The following TPPP2 variants were observed in gnomAD, a reference collection of about 807,000 sequenced individuals.
TPPP2 encodes the protein tubulin polymerization promoting protein family member 2.
In TPPP2, 8 loss-of-function variants were observed where a neutral mutation model predicts 13.0. The ratio of observed to expected loss-of-function variants is 0.62; its 90% CI spans 0.36 to 1.11. The LOEUF (loss-of-function observed/expected upper bound fraction) is 1.11. TPPP2 is among the 50% of genes most tolerant of loss of function. The pLI is 0.02. For synonymous variants in TPPP2, 81 were observed against 81.8 expected, an observed-to-expected ratio of 0.99 and a Z score of 0.05; for missense variants, 213 against 216.9, an observed-to-expected ratio of 0.98 and a Z score of 0.11.
upstream of TPPP2, chr14:21,025,293 C>A: frequency 6.3e-6 from 6 of 946,708 alleles, no homozygotes; most frequent in Non-Finnish European, 7.6e-6. This position sits in a 1 kb window ranked among gnomAD's most constrained non-coding sequence, Gnocchi z 5.1. Context: ...CCAAAACATT[C>A]CACCACCCCC....
rs182327983 is a variant in TPPP2, at chr14:21,032,565, C to A, written c.*488C>A. 1.2e-4 allele frequency: 41 copies of A among 345,696 alleles called. No individual in the cohort carries two copies. Among genetic ancestry groups the A allele is most frequent in the African/African-American group, 8.4e-4 (39 of 46,256 alleles). The allele number at this position is 345,696 out of a possible 1,614,324, so 21.4% of individuals were successfully genotyped here. ...GTTTTTTGGGTGGAGGAGTAGAAGC[C>A]AGCTAAGGTTGCCTGACTTCTATTA... is the stretch of plus-strand genomic sequence containing the variant. On this transcript the variant is annotated 3_prime_UTR_variant, in exon 4 of 4. Coordinates refer to ENST00000321760, the MANE Select transcript of TPPP2 (RefSeq NM_173846.5).
chr14:21,033,747 T>A, downstream of TPPP2: 1 of 1,062,196 alleles, frequency 9.4e-7, no homozygotes, highest in Non-Finnish European at 1.5e-6. Flanking sequence ...GAAGTCTTGT[T>A]ACAGGGATCA....
At chr14:21,033,889 G>A (rs201533703), downstream of TPPP2, 170 of 1,614,040 alleles carry the variant, frequency 1.1e-4, 1 homozygote, top group East Asian at 2.2e-5. Context: ...AGTAGGTAGA[G>A]CTTCTGGTTG....
At chr14:21,034,491 C>A (rs1884484166), downstream of TPPP2, among the ~76,000 whole-genome samples, 1 of 152,194 alleles carries the variant, frequency 6.6e-6, no homozygotes, top group African/African-American at 2.4e-5. Flanking sequence ...CAGCCCTGCT[C>A]CCCTGGTCCA....
At chr14:21,034,573 T>TGAGAGACTCTTCCCAAGAGTCCTTGGGC (rs1884491446), downstream of TPPP2, 2 of 375,592 alleles carry the variant, frequency 5.3e-6, no homozygotes, top group African/African-American at 4.1e-5. Flanking sequence ...GGTCCTTGGG[T>TGAGAGACTCTTCCCAAGAGTCCTTGGGC]GAGAGACTCT....
Position 21,030,588 on chromosome 14 carries a change from T to A in TPPP2, c.7T>A (p.Ser3Thr). The A allele has an allele frequency of 1.9e-6, 3 of 1,613,544 alleles. No homozygotes were observed. The highest frequency in any genetic ancestry group is 2.5e-6 in the Non-Finnish European group (3 of 1,179,842). The change falls in exon 2 of 4, where the codon TCA becomes ACA. Residue 3 changes from serine (S) to threonine (T), a missense_variant. Transcript: ENST00000321760. ...CCCCGACCTCTAGCTGACCATGGCA[T>A]CAGAGGCAGAAAAAACATTCCATCG... MA[S>T]EAEKTFHRFA...
chr14:21,033,168 G>A (rs45511794), downstream of TPPP2: 6,132 of 370,450 alleles, frequency 0.017, 79 homozygotes, highest in Non-Finnish European at 0.021. Flanking sequence ...GGGTGACTAC[G>A]GTTGTTGGGA....
In TPPP2 at chr14:21,032,164, C is replaced by A; in HGVS notation, c.*87C>A. 1 of 1,379,206 alleles carries A rather than the reference C, an allele frequency of 7.3e-7. No homozygotes were observed. The highest frequency in any genetic ancestry group is 1.0e-6 in the Non-Finnish European group (1 of 976,248). The allele number at this position is 1,379,206 out of a possible 1,614,324, so 85.4% of individuals were successfully genotyped here. A position where few individuals can be genotyped will look rare whatever the true frequency, so the allele number is the denominator to read the frequency against. On this transcript the variant is annotated 3_prime_UTR_variant, in exon 4 of 4. Coordinates refer to ENST00000321760, the MANE Select transcript of TPPP2 (RefSeq NM_173846.5). The stretch of plus-strand genomic sequence containing the variant: ...GGAAAACAATAAACATCTGTGTGTG[C>A]AGCAGCCAAAATCTCTGTCTGTGAG...
At chr14:21,030,457 A>C in intron 1 of TPPP2, 56 bp from the exon 2 acceptor site, 1 of 947,296 alleles carries the variant, frequency 1.1e-6, no homozygotes, top group Non-Finnish European at 1.6e-6. Flanking sequence ...GGAAGAGGGG[A>C]GCTGTTCCTG....
rs891061815 is a variant in TPPP2 at position 21,025,060 on chromosome 14, T to A, written n.236+716T>A. On this transcript the variant is annotated intron_variant and non_coding_transcript_variant, in intron 1 of 1. Transcript: ENST00000533755. The surrounding 1 kb of genome is among the most constrained non-coding windows in gnomAD (Gnocchi z 5.1). ...CCGCCGCGGCCGCTTCCACCTTCAC[T>A]TGCCTTTGACTCGGGCCCGCCCCGG... 5.8e-5 allele frequency: 57 copies of A among 985,770 alleles called. No homozygotes were observed. Among genetic ancestry groups the A allele is most frequent in the Non-Finnish European group, 6.7e-5 (56 of 830,574 alleles). The allele number at this position is 985,770 out of a possible 1,614,324, so 61.1% of individuals were successfully genotyped here.
chr14:21,030,723 A>G lies in TPPP2; in HGVS notation c.142A>G (p.Thr48Ala). Residue 48 changes from threonine to alanine, a missense_variant, in exon 2 of 4, where the codon ACG (threonine) becomes GCG (alanine). Coordinates refer to ENST00000321760, the MANE Select transcript of TPPP2 (RefSeq NM_173846.5). ...CATGGATGGCAAGACAGTCACCTCC[A>G]CGGACGTGGACATCGTGTTCAGCAA... ...GIMDGKTVTS[T>A]DVDIVFSKVK... is the part of the protein sequence containing the mutation. 6.2e-7 allele frequency: 1 copy of G among 1,614,194 alleles called. No individual in the cohort carries two copies.
At chr14:21,029,539 G>A (rs1185494598), upstream of TPPP2, among the ~76,000 whole-genome samples, 1 of 152,232 alleles carries the variant, frequency 6.6e-6, no homozygotes, top group African/African-American at 2.4e-5. Context: ...GGAGGTTGCA[G>A]TGCCCCAGGA....
upstream of TPPP2, chr14:21,028,487 T>C (rs970409228): frequency 5.3e-5 from 8 of 152,130 alleles, no homozygotes; most frequent in African/African-American, 1.9e-4. Flanking sequence ...GTGCTGGAAT[T>C]ATAGGCATGA....
chr14:21,033,209 T>G (rs1594482488), downstream of TPPP2: 1 of 343,872 alleles, frequency 2.9e-6, no homozygotes, highest in Non-Finnish European at 5.7e-6. Flanking sequence ...GGCTCCATGG[T>G]AAGAGGAAGC....
rs1053768196 is a variant in TPPP2 at position 21,025,214 on chromosome 14, G to C, written n.236+870G>C. 19 of 865,604 alleles carry C rather than the reference G, an allele frequency of 2.2e-5. No individual in the cohort carries two copies. The highest frequency in any genetic ancestry group is 2.5e-5 in the Non-Finnish European group (18 of 720,756). The allele number at this position is 865,604 out of a possible 1,614,324, so 53.6% of individuals were successfully genotyped here. ...TCACCCCGCCCAGACTGCCGCTCAGGAAAGGGTTGTGCTGGGGCCGGGGGG... is the reference window on the plus strand; with the variant it reads ...TCACCCCGCCCAGACTGCCGCTCAGCAAAGGGTTGTGCTGGGGCCGGGGGG... On this transcript the variant is annotated intron_variant and non_coding_transcript_variant, in intron 1 of 1. Coordinates refer to the TPPP2 transcript ENST00000533755. The surrounding 1 kb of genome is among the most constrained non-coding windows in gnomAD (Gnocchi z 5.1).
chr14:21,034,386 T>A, downstream of TPPP2: 1 of 839,726 alleles, frequency 1.2e-6, no homozygotes, highest in Non-Finnish European at 1.9e-6. Context: ...AACCCAACAG[T>A]ACTTTAGAGA....
chr14:21,032,963 G>C (rs759372543), downstream of TPPP2: 29 of 456,030 alleles, frequency 6.4e-5, no homozygotes, highest in Non-Finnish European at 1.0e-4. Context: ...AGAAATTTAT[G>C]TTCGATTAGA....
rs1270780862 is a variant in TPPP2, at chr14:21,030,536, C to T, written c.-46C>T. On this transcript the variant is annotated 5_prime_UTR_variant, in exon 2 of 4. Coordinates refer to ENST00000321760, the MANE Select transcript of TPPP2 (RefSeq NM_173846.5). Reference sequence around the variant, plus strand: ...AGTCCTCCCTCCCCCTTCTCCTTCACCCCCAAGTGTCTCCCACGACTGCCC... The same window carrying T: ...AGTCCTCCCTCCCCCTTCTCCTTCATCCCCAAGTGTCTCCCACGACTGCCC... The T allele has an allele frequency of 6.9e-6, 11 of 1,591,854 alleles. No individual in the cohort carries two copies. Among genetic ancestry groups the T allele is most frequent in the Admixed American group, 1.7e-5 (1 of 57,904 alleles).
At position 21,032,002 on chromosome 14, in the gene TPPP2, G is replaced by T. The variant is rs201065546; in HGVS notation, c.438G>T (p.Arg146=). The change falls in exon 4 of 4, where the codon CGG becomes CGT. Residue 146 remains arginine (R), a synonymous_variant. Transcript: ENST00000321760. ...GCAAGGGCAAGGGCATTGCGGGACG[G>T]GAAGAGATGACTGACAACACAGGCT... ...ESGKGKGIAG[R]EEMTDNTGYV... 4.0e-5 allele frequency: 65 copies of T among 1,614,052 alleles called. No individual in the cohort carries two copies. Among genetic ancestry groups the T allele is most frequent in the Middle Eastern group, 3.3e-4 (2 of 6,082 alleles).
Sources: allele counts gnomAD v4.1 joint callset (sites outside exome capture counted in the v4.1 genomes callset), GRCh38; gene constraint gnomAD v4.1.1; non-coding constraint Gnocchi (gnomAD v3.1); transcripts MANE v1.5; gene names NCBI Gene and HGNC (gene_info 2026-07-23, HGNC 2026-07-21).